Variants in NCOA2 observed in about 807,000 individuals in gnomAD.
NCOA2 encodes the protein nuclear receptor coactivator 2.
Under a neutral mutation model 145.1 loss-of-function variants are expected in NCOA2, and 21 were observed. The ratio of observed to expected loss-of-function variants is 0.14; its 90% CI spans 0.10 to 0.21. The LOEUF is 0.21. Among genes scored for constraint, NCOA2 ranks in the 10% least tolerant of loss-of-function variants. The probability of loss-of-function intolerance (pLI) is 1.00; values close to 1 mark genes in which losing one functional copy is unlikely to be tolerated. For synonymous variants in NCOA2, 619 were observed against 637.5 expected, an observed-to-expected ratio of 0.97 and a Z score of 0.44; for missense variants, 1,472 against 1,837.6, an observed-to-expected ratio of 0.80 and a Z score of 3.64.
the NCOA2 span, among the ~76,000 whole-genome samples, chr8:70,437,779 G>A: frequency 3.3e-5 from 5 of 152,160 alleles, no homozygotes; most frequent in Non-Finnish European, 5.9e-5. Context: ...AATATTAGAA[G>A]AGAAAAGGTA....
chr8:70,155,290 C>G (rs1812155862), intron 11 of NCOA2, among the ~76,000 whole-genome samples: 1 of 152,090 alleles, frequency 6.6e-6, no homozygotes, highest in South Asian at 2.1e-4. Flanking sequence ...TTGCATTAAT[C>G]AGAAGTTTAG....
At chr8:70,395,206 T>G (rs74673959) in intron 1 of NCOA2, among the ~76,000 whole-genome samples, 8,356 of 152,214 alleles carry the variant, frequency 0.055, 307 homozygotes, top group East Asian at 0.16. Flanking sequence ...TGTGCAAAGG[T>G]TCATACCCAA....
Position 70,144,674 on chromosome 8 carries a change from C to G in NCOA2, c.2780G>C (p.Gly927Ala). 6.2e-7 allele frequency: 1 copy of G among 1,613,958 alleles called. No individual in the cohort carries two copies. The highest frequency in any genetic ancestry group is 8.5e-7 in the Non-Finnish European group (1 of 1,179,870). Reference sequence around the variant, plus strand: ...ACTGTTCCCTAAATTTCCTTGGTTTCCTATCATCCCTTGATTACCCATCAT... The same window carrying G: ...ACTGTTCCCTAAATTTCCTTGGTTTGCTATCATCCCTTGATTACCCATCAT... ...PGMMGNQGMI[G>A]NQGNLGNSST... is the part of the protein sequence containing the mutation. The change falls in exon 13 of 23, where the codon GGA becomes GCA. Residue 927 changes from glycine (G) to alanine (A), a missense_variant. Physicochemically the swap from Gly to Ala is moderately conservative, Grantham distance 60. Transcript: ENST00000452400.
chr8:70,145,622 T>C (rs1437472923), intron 12 of NCOA2, among the ~76,000 whole-genome samples: 3 of 96,436 alleles, frequency 3.1e-5, no homozygotes, highest in African/African-American at 6.5e-5. Context: ...TGCCCAGCCC[T>C]TTTTTTTTTT....
chr8:70,184,725 G>T (rs564709810), intron 4 of NCOA2, among the ~76,000 whole-genome samples: 1 of 152,134 alleles, frequency 6.6e-6, no homozygotes, highest in Non-Finnish European at 1.5e-5. Flanking sequence ...AGGAAAGGAA[G>T]GGGGGCTGGT....
chr8:70,371,989 T>TAA (rs1211451800), intron 1 of NCOA2, among the ~76,000 whole-genome samples: 1 of 152,210 alleles, frequency 6.6e-6, no homozygotes, highest in African/African-American at 2.4e-5. Flanking sequence ...TGTATCTTTA[T>TAA]AATTTTTTTA....
chr8:70,441,122 GAGAA>G, the NCOA2 span, among the ~76,000 whole-genome samples: 119,084 of 136,720 alleles, frequency 0.87, 52,169 homozygotes, highest in East Asian at 0.97. Flanking sequence ...AAGAAAGAAA[GAGAA>G]AGAAAGAAAG....
chr8:70,211,196 C>T (rs1244938321), intron 4 of NCOA2, among the ~76,000 whole-genome samples: 3 of 152,190 alleles, frequency 2.0e-5, no homozygotes, highest in South Asian at 4.1e-4. Flanking sequence ...CACAGTGGCT[C>T]ATGCCTGTAA....
chr8:70,370,365 T>C lies in NCOA2; in HGVS notation c.-77+33335A>G, dbSNP rs185168477. On this transcript the variant is annotated intron_variant, in intron 1 of 22. Transcript: ENST00000452400. ...ATAGTAACAATCATGAAATAAAAAC[T>C]TTTACTGTACTTCCATAAATACAAA... Among the ~76,000 whole-genome samples the C allele has an allele frequency of 9.2e-5, 14 of 152,320 alleles. 1 individual carries two copies. In the East Asian group the frequency reaches 2.7e-3, roughly 29 times the overall value.
At chr8:70,286,390 C>CATAT (rs1241391532) in intron 2 of NCOA2, among the ~76,000 whole-genome samples, 1 of 152,134 alleles carries the variant, frequency 6.6e-6, no homozygotes. Flanking sequence ...AGGAAATATA[C>CATAT]ATATATATTT....
chr8:70,120,154 G>A (rs941392412), intron 22 of NCOA2, among the ~76,000 whole-genome samples: 2 of 152,114 alleles, frequency 1.3e-5, no homozygotes, highest in African/African-American at 4.8e-5. Context: ...GTATATTATA[G>A]ATATTAGTCC....
chr8:70,172,110 G>A (rs1269258009), intron 5 of NCOA2, among the ~76,000 whole-genome samples: 1 of 152,102 alleles, frequency 6.6e-6, no homozygotes, highest in Non-Finnish European at 1.5e-5. Flanking sequence ...ACAGGCATGA[G>A]CCAGTGCGCC....
At chr8:70,334,511 C>T (rs1284553648) in intron 1 of NCOA2, among the ~76,000 whole-genome samples, 2 of 152,192 alleles carry the variant, frequency 1.3e-5, no homozygotes, top group Admixed American at 6.5e-5. Flanking sequence ...CTATGTACAA[C>T]GTTCTTGATA....
rs1825706144 is a variant in NCOA2 at position 70,279,338 on chromosome 8, TTCTCATTACC to T, written c.-20+17396_-20+17405del. 8.5e-5 allele frequency among the ~76,000 whole-genome samples: 13 copies of T among 152,308 alleles called. No homozygotes were observed. In the South Asian group the frequency reaches 2.7e-3, roughly 32 times the overall value. On this transcript the variant is annotated intron_variant, in intron 2 of 22. Transcript: ENST00000452400. ...ACTCCAAGTGAGTGAAATGTGTCTT[TTCTCATTACC>T]AGCGGATCTAGTACAATCAATGGCA... is the stretch of plus-strand genomic sequence containing the variant.
the NCOA2 span, among the ~76,000 whole-genome samples, chr8:70,428,066 A>T: frequency 6.6e-6 from 1 of 152,202 alleles, no homozygotes; most frequent in Non-Finnish European, 1.5e-5. Flanking sequence ...TTAAAATGAC[A>T]TACAAATAAG....
At chr8:70,284,402 A>C (rs935461364) in intron 2 of NCOA2, among the ~76,000 whole-genome samples, 4 of 152,232 alleles carry the variant, frequency 2.6e-5, no homozygotes, top group Non-Finnish European at 5.9e-5. Context: ...AAATTAGTAG[A>C]AATACTCAGT....
chr8:70,377,272 CTTATATTTCCTAT>C, intron 1 of NCOA2, among the ~76,000 whole-genome samples: 1 of 151,102 alleles, frequency 6.6e-6, no homozygotes, highest in Non-Finnish European at 1.5e-5. Flanking sequence ...TTTTTAAAAA[CTTATATTTCCTAT>C]CCATTAGAAA....
At chr8:70,397,402 G>A (rs1041099028) in intron 1 of NCOA2, among the ~76,000 whole-genome samples, 5 of 149,838 alleles carry the variant, frequency 3.3e-5, no homozygotes, top group Non-Finnish European at 7.4e-5. Flanking sequence ...GCAGTGAGCT[G>A]AGATCACACC....
intron 1 of NCOA2, among the ~76,000 whole-genome samples, chr8:70,351,568 A>G (rs1228822236): frequency 6.9e-6 from 1 of 144,564 alleles, no homozygotes; most frequent in African/African-American, 2.5e-5. Flanking sequence ...GAGAGCATTT[A>G]TTTGGGTTCA....
Sources: allele counts gnomAD v4.1 joint callset (sites outside exome capture counted in the v4.1 genomes callset), GRCh38; gene constraint gnomAD v4.1.1; transcripts MANE v1.5; gene names NCBI Gene and HGNC (gene_info 2026-07-23, HGNC 2026-07-21).